USP50: variants seen among roughly 807,000 people sequenced by gnomAD.
The protein encoded by USP50 is ubiquitin specific peptidase 50.
Under a neutral mutation model 39.2 loss-of-function variants are expected in USP50, and 37 were observed. That is an observed-to-expected ratio of 0.94 (90% CI 0.73 to 1.24). The LOEUF (loss-of-function observed/expected upper bound fraction) is 1.24, where lower values mean the gene tolerates loss of function less well. Among genes scored for constraint, USP50 ranks in the 50% most tolerant of loss-of-function variants. The pLI is 0.00. For missense variants in USP50, 374 were observed against 398.2 expected (o/e 0.94, Z 0.52); for synonymous variants, 139 against 144.5 (o/e 0.96, Z 0.27).
At chr15:50,495,793 A>G (rs1231364079), downstream of USP50, 1 of 1,386,032 alleles carries the variant, frequency 7.2e-7, no homozygotes, top group Non-Finnish European at 1.0e-6. Flanking sequence ...TATTCTTTCA[A>G]TTTAAATGTT....
chr15:50,543,689 T>C lies in USP50; in HGVS notation c.353A>G (p.Asn118Ser). The change falls in exon 3 of 7, where the codon AAC becomes AGC. Residue 118 changes from asparagine to serine, a missense_variant. Coordinates refer to ENST00000532404, the MANE Select transcript of USP50 (RefSeq NM_203494.5). ...CTTTTTCGTAAATGCTGGGTAGAGG[T>C]TGCCAAGAGCTGACCAGAATATTTC... is the stretch of plus-strand genomic sequence containing the variant. ...SPEIFWSALG[N>S]LYPAFTKKMQ... 1 of 1,613,010 alleles carries C rather than the reference T, an allele frequency of 6.2e-7. No individual in the cohort carries two copies.
At chr15:50,508,934 A>G (rs1462442264) in intron 6 of USP50, 1 of 151,674 alleles carries the variant, frequency 6.6e-6, no homozygotes, top group African/African-American at 2.4e-5. Context: ...GGAGATTGAG[A>G]CCATCCTGGC....
intron 6 of USP50, chr15:50,503,690 T>C (rs2052620694): frequency 6.6e-6 from 1 of 152,216 alleles, no homozygotes; most frequent in Non-Finnish European, 1.5e-5. Context: ...ACCTGTGTGG[T>C]CTGCGAATCC....
chr15:50,498,803 C>A (rs2052511054), downstream of USP50: 6 of 1,550,934 alleles, frequency 3.9e-6, no homozygotes, highest in South Asian at 4.9e-5. Context: ...TTTCCTACCT[C>A]ATGGAAGAGT....
chr15:50,528,315 C>T (rs1014795007), intron 6 of USP50, among the ~76,000 whole-genome samples: 8 of 150,740 alleles, frequency 5.3e-5, no homozygotes, highest in African/African-American at 1.7e-4. Flanking sequence ...CTTGCCCTGT[C>T]ATCCAAGCTG....
downstream of USP50, chr15:50,499,561 AC>A (rs2052538689): frequency 6.6e-6 from 1 of 151,894 alleles, no homozygotes; most frequent in Admixed American, 6.6e-5. Flanking sequence ...CTTTTGTGAA[AC>A]CTAGAACTCA....
chr15:50,495,539 C>T (rs1178421099), intron 1 of USP50, among the ~76,000 whole-genome samples: 1 of 151,582 alleles, frequency 6.6e-6, no homozygotes, highest in Non-Finnish European at 1.5e-5. Flanking sequence ...TGGCCCCAAG[C>T]AGTCCTCCTG....
chr15:50,534,446 A>T (rs2052964512), intron 5 of USP50, among the ~76,000 whole-genome samples: 1 of 152,254 alleles, frequency 6.6e-6, no homozygotes. Flanking sequence ...AGATAAAAAC[A>T]GGAACACCAA....
chr15:50,500,793 G>T lies in USP50; in HGVS notation c.981C>A (p.Cys327Ter). The T allele has an allele frequency of 6.3e-7, 1 of 1,590,388 alleles. No individual in the cohort carries two copies. The highest frequency in any genetic ancestry group is 8.6e-7 in the Non-Finnish European group (1 of 1,167,942). Residue 327 changes from cysteine to a stop codon, truncating the protein, a stop_gained, in exon 7 of 7, where the codon TGC becomes TGA. Coordinates refer to ENST00000532404, the MANE Select transcript of USP50 (RefSeq NM_203494.5). LOFTEE classifies it high-confidence loss of function. ...DLDGGHYTAF[C>*]KNSVTQA is the part of the protein sequence containing the mutation. ...ATCAGGCCTGGGTGACTGAATTCTT[G>T]CAGAAAGCAGTGTAGTGGCCACCAT...
intron 5 of USP50, among the ~76,000 whole-genome samples, chr15:50,537,579 C>A (rs1004456641): frequency 6.6e-6 from 1 of 151,544 alleles, no homozygotes; most frequent in African/African-American, 2.4e-5. Context: ...AGAAACTTGG[C>A]CAGGCACAGT....
chr15:50,544,646 G>C lies in USP50; in HGVS notation c.189C>G (p.Cys63Trp). Residue 63 changes from cysteine (C) to tryptophan (W), a missense_variant, in exon 2 of 7, where the codon TGC becomes TGG. Coordinates refer to ENST00000532404, the MANE Select transcript of USP50 (RefSeq NM_203494.5). ...CCVNAISQCLCSILPLVEYFL... is the reference protein window; with the variant it reads ...CCVNAISQCLWSILPLVEYFL... ...AGTATTCCACCAGCGGCAAGATGCTGCAGAGACACTGTGAGATGGCATTCA... is the reference window on the plus strand; with the variant it reads ...AGTATTCCACCAGCGGCAAGATGCTCCAGAGACACTGTGAGATGGCATTCA... The C allele has an allele frequency of 6.2e-7, 1 of 1,613,872 alleles. No individual in the cohort carries two copies. Among genetic ancestry groups the C allele is most frequent in the Non-Finnish European group, 8.5e-7 (1 of 1,179,864 alleles).
chr15:50,545,073 A>G (rs1460784080), intron 1 of USP50, among the ~76,000 whole-genome samples: 1 of 152,178 alleles, frequency 6.6e-6, no homozygotes, highest in Non-Finnish European at 1.5e-5. Flanking sequence ...TCTTGTCTCT[A>G]TTACATAAAT....
At position 50,529,866 on chromosome 15, in the gene USP50, G is replaced by C; in HGVS notation, c.867C>G (p.Asn289Lys). 1.2e-6 allele frequency: 2 copies of C among 1,613,978 alleles called. No homozygotes were observed. Among genetic ancestry groups the C allele is most frequent in the Non-Finnish European group, 1.7e-6 (2 of 1,179,880 alleles). The change falls in exon 6 of 7, where the codon AAC becomes AAG. Residue 289 changes from asparagine (N) to lysine (K), a missense_variant. By Grantham distance (94) the Asn-to-Lys change is moderately conservative. Coordinates refer to ENST00000532404, the MANE Select transcript of USP50 (RefSeq NM_203494.5). ...AGCAAATATAAGGAGTGAGGTCCAA[G>C]TTAGTGAGTGGGTAATGAATATCCG... The part of the protein sequence containing the change: ...LRTDIHYPLT[N>K]LDLTPYICSI...
Position 50,543,592 on chromosome 15 carries a change from A to G in USP50, c.444+6T>C, listed in dbSNP as rs1220897130. 2 of 1,610,558 alleles carry G rather than the reference A, an allele frequency of 1.2e-6. No homozygotes were observed. The highest frequency in any genetic ancestry group is 2.2e-5 in the South Asian group (2 of 90,354). ...ATCCTATTTCAAGGTCATTAACTCT[A>G]CTTACCTTTTTTAGAGCTTCATGAA... On this transcript the variant is annotated splice_donor_region_variant and intron_variant, in intron 3 of 6. Transcript: ENST00000532404.
chr15:50,544,899 A>G, intron 1 of USP50, 118 bp from the exon 2 acceptor site: 1 of 966,960 alleles, frequency 1.0e-6, no homozygotes, highest in Non-Finnish European at 1.5e-6. Context: ...CTTCCTCCAA[A>G]CACATTCCCT....
At chr15:50,494,336 C>A in intron 1 of USP50, 1 of 1,461,408 alleles carries the variant, frequency 6.8e-7, no homozygotes, top group Non-Finnish European at 9.2e-7. Flanking sequence ...CTCAGTAGCA[C>A]TGTATTTTTA....
intron 6 of USP50, chr15:50,514,484 G>A (rs1007678726): frequency 2.0e-5 from 3 of 152,158 alleles, no homozygotes; most frequent in African/African-American, 7.2e-5. Context: ...GACTGCTTAA[G>A]CCCAGGAGTT....
chr15:50,497,001 C>T (rs2052441247), downstream of USP50: 8 of 1,465,806 alleles, frequency 5.5e-6, no homozygotes, highest in Admixed American at 1.8e-4. Flanking sequence ...ATCACTGGTG[C>T]CTGCAGAGTG....
At chr15:50,533,607 C>G (rs936972964) in intron 5 of USP50, among the ~76,000 whole-genome samples, 2 of 152,178 alleles carry the variant, frequency 1.3e-5, no homozygotes, top group African/African-American at 4.8e-5. Flanking sequence ...ACCTAGAATT[C>G]TGTAGTGTAA....
Sources: gnomAD v4.1 joint callset for allele counts (sites outside exome capture counted in the v4.1 genomes callset) on GRCh38, gnomAD v4.1.1 for gene constraint, MANE v1.5 for transcripts, NCBI Gene and HGNC (gene_info 2026-07-23, HGNC 2026-07-21) for gene names.